Variants in PRKD3 observed in about 807,000 individuals in gnomAD.
PRKD3 encodes the protein serine/threonine-protein kinase D3.
A neutral mutation model predicts 99.2 loss-of-function variants in PRKD3; 47 were observed. That is an observed-to-expected ratio of 0.47 (90% CI 0.38 to 0.60). PRKD3 has a LOEUF of 0.60. PRKD3 is among the 20% of genes least tolerant of loss of function. The pLI, the probability that PRKD3 is intolerant of heterozygous loss-of-function variation, is 0.00. For missense variants in PRKD3, 1,019 were observed against 1,088.4 expected (o/e 0.94, Z 0.90); for synonymous variants, 392 against 355.4 (o/e 1.10, Z -1.16).
At chr2:37,320,489 TGGCGC>T (rs1436509681) in intron 1 of PRKD3, among the ~76,000 whole-genome samples, 2 of 135,362 alleles carry the variant, frequency 1.5e-5, no homozygotes, top group African/African-American at 5.5e-5. Context: ...TGGAGTACAG[TGGCGC>T]GATCTTGACT....
chr2:37,260,291 A>G lies in PRKD3; in HGVS notation c.1978T>C (p.Leu660=). The G allele has an allele frequency of 1.2e-6, 2 of 1,609,888 alleles. No homozygotes were observed. The highest frequency in any genetic ancestry group is 1.7e-6 in the Non-Finnish European group (2 of 1,176,204). The part of the protein sequence containing the change: ...VVMEKLHGDM[L]EMILSSEKSR... ...TTCTCACTGGATAGAATCATTTCCA[A>G]CATATCTCCATGCAGCTTTTCCATT... Residue 660 remains leucine (L), a synonymous_variant, in exon 15 of 19, where the codon TTG becomes CTG. Transcript: ENST00000234179.
At chr2:37,255,867 G>A (rs1667890614) in intron 17 of PRKD3, among the ~76,000 whole-genome samples, 1 of 152,080 alleles carries the variant, frequency 6.6e-6, no homozygotes, top group Non-Finnish European at 1.5e-5. Flanking sequence ...TTAGCCAGGT[G>A]TGGGTGGCCC....
rs1334205440 is a variant in PRKD3 at position 37,293,155 on chromosome 2, G to T, written c.405C>A (p.Asp135Glu). 1.3e-6 allele frequency: 2 copies of T among 1,588,326 alleles called. No individual in the cohort carries two copies. Among genetic ancestry groups the T allele is most frequent in the South Asian group, 2.2e-5 (2 of 89,062 alleles). Residue 135 changes from aspartate to glutamate, a missense_variant, in exon 3 of 19, where the codon GAC (aspartate) becomes GAA (glutamate). Coordinates refer to ENST00000234179, the MANE Select transcript of PRKD3 (RefSeq NM_005813.6). ...TACCTGAAAGAACCACTTCCACTAG[G>T]TCTCCTTCATGTATTTCATCTGCTG... is the stretch of plus-strand genomic sequence containing the variant. ...ITSADEIHEG[D>E]LVEVVLSALA... is the part of the protein sequence containing the mutation.
At chr2:37,277,458 T>C (rs999746042) in intron 9 of PRKD3, among the ~76,000 whole-genome samples, 7 of 151,030 alleles carry the variant, frequency 4.6e-5, no homozygotes, top group African/African-American at 1.7e-4. Context: ...TTGCTGGATC[T>C]AAAAAAAAAC....
chr2:37,272,701 A>G (rs1669345275), intron 11 of PRKD3, among the ~76,000 whole-genome samples: 1 of 152,212 alleles, frequency 6.6e-6, no homozygotes, highest in African/African-American at 2.4e-5. Context: ...AGTTATGATT[A>G]TTACTGAGTT....
Position 37,274,635 on chromosome 2 carries a change from T to G in PRKD3, c.1437A>C (p.Gln479His), listed in dbSNP as rs1669469485. Residue 479 changes from glutamine (Q) to histidine (H), a missense_variant, in exon 11 of 19, where the codon CAA (glutamine) becomes CAC (histidine). Around this residue, in one of 3 missense-constraint regions of PRKD3, gnomAD observed 710 missense variants for 692.7 expected, o/e 1.02. Transcript: ENST00000234179. ...TTTCAAAACAGTGTGGATTGCTGCC[T>G]TGTGAAATGTTTGTGAAATCTCGTG... ...SSPRDFTNIS[Q>H]GSNPHCFEII... is the part of the protein sequence containing the mutation. 8 of 1,614,094 alleles carry G rather than the reference T, an allele frequency of 5.0e-6. No homozygotes were observed. Among genetic ancestry groups the G allele is most frequent in the Admixed American group, 1.7e-5 (1 of 60,020 alleles).
chr2:37,297,339 T>G (rs1670717952), intron 2 of PRKD3, among the ~76,000 whole-genome samples: 1 of 152,164 alleles, frequency 6.6e-6, no homozygotes, highest in African/African-American at 2.4e-5. Flanking sequence ...AATAATCTAT[T>G]TTTAAAAATA....
At chr2:37,278,249 G>A (rs990122204) in intron 8 of PRKD3, 1 of 234,122 alleles carries the variant, frequency 4.3e-6, no homozygotes, top group African/African-American at 2.3e-5. Context: ...AAAACAATGA[G>A]CGGAATAGAA....
At chr2:37,264,078 CAT>C (rs1558531954) in intron 14 of PRKD3, among the ~76,000 whole-genome samples, 1 of 152,176 alleles carries the variant, frequency 6.6e-6, no homozygotes. Context: ...TACATTACCA[CAT>C]AATCTAGGAA....
chr2:37,298,939 T>C (rs1004347402), intron 2 of PRKD3, among the ~76,000 whole-genome samples: 2 of 152,224 alleles, frequency 1.3e-5, no homozygotes, highest in African/African-American at 4.8e-5. Flanking sequence ...CTAATTGCTC[T>C]ACTTAAGACT....
intron 13 of PRKD3, chr2:37,268,219 C>T (rs1302795934): frequency 4.6e-6 from 2 of 433,002 alleles, no homozygotes; most frequent in Non-Finnish European, 9.4e-6. Flanking sequence ...TAGATTAACT[C>T]ATTTGTCTCA....
Position 37,267,413 on chromosome 2 carries a change from T to C in PRKD3, c.1884+17A>G, listed in dbSNP as rs1259858682. On this transcript the variant is annotated intron_variant, in intron 14 of 18. Transcript: ENST00000234179. Reference sequence around the variant, plus strand: ...CCAGCCTCTTTAATAAACCAGTTTTTTATTTTTTATTTTTACCTGTAAAAT... The same window carrying C: ...CCAGCCTCTTTAATAAACCAGTTTTCTATTTTTTATTTTTACCTGTAAAAT... 1 of 1,521,882 alleles carries C rather than the reference T, an allele frequency of 6.6e-7. No individual in the cohort carries two copies. The highest frequency in any genetic ancestry group is 2.3e-5 in the East Asian group (1 of 44,260). 94.3% of individuals were successfully genotyped at this position (1,521,882 alleles called of 1,614,324 possible). A position where few individuals can be genotyped will look rare whatever the true frequency, so the allele number is the denominator to read the frequency against.
Position 37,279,788 on chromosome 2 carries a change from T to C in PRKD3, c.1130A>G (p.Asp377Gly), listed in dbSNP as rs530208506. Residue 377 changes from aspartate to glycine, a missense_variant, in exon 8 of 19, where the codon GAT becomes GGT. This residue lies in a region of PRKD3 where 710 missense variants were observed against 692.7 expected (regional missense o/e 1.02). Coordinates refer to ENST00000234179, the MANE Select transcript of PRKD3 (RefSeq NM_005813.6). Reference sequence around the variant, plus strand: ...TTCTTCATCTCTTTCCACATCGAGATCAGATGGATCCAAGAAGAACATCTT... The same window carrying C: ...TTCTTCATCTCTTTCCACATCGAGACCAGATGGATCCAAGAAGAACATCTT... ...EDKMFFLDPS[D>G]LDVERDEEAV... 18 of 1,613,780 alleles carry C rather than the reference T, an allele frequency of 1.1e-5. No individual in the cohort carries two copies. In the African/African-American group the frequency reaches 2.4e-4, roughly 22 times the overall value.
intron 6 of PRKD3, among the ~76,000 whole-genome samples, chr2:37,284,952 C>G (rs547079195): frequency 9.5e-4 from 145 of 152,172 alleles, no homozygotes; most frequent in African/African-American, 3.4e-3. Context: ...CTCAGAAAAG[C>G]TTTATTTTCT....
At chr2:37,283,896 G>C (rs1280241839) in intron 6 of PRKD3, among the ~76,000 whole-genome samples, 1 of 114,288 alleles carries the variant, frequency 8.7e-6, no homozygotes, top group Non-Finnish European at 1.7e-5. Context: ...GCAAGACTCT[G>C]TCTCAAAAAA....
At position 37,277,854 on chromosome 2, in the gene PRKD3, T is replaced by G. The variant is rs760098795; in HGVS notation, c.1296+12A>C. On this transcript the variant is annotated intron_variant, in intron 9 of 18. Coordinates refer to ENST00000234179, the MANE Select transcript of PRKD3 (RefSeq NM_005813.6). The stretch of plus-strand genomic sequence containing the variant: ...GTCTTACTAGCATATTCAAATGTAT[T>G]TGATTACTGACCAGGTTATCCCTGC... 1 of 1,609,476 alleles carries G rather than the reference T, an allele frequency of 6.2e-7. No homozygotes were observed. The highest frequency in any genetic ancestry group is 1.1e-5 in the South Asian group (1 of 89,880).
chr2:37,289,141 G>A (rs1670263058), intron 5 of PRKD3, among the ~76,000 whole-genome samples: 1 of 151,362 alleles, frequency 6.6e-6, no homozygotes. Context: ...GAAGGCTAAA[G>A]CAGTGGTACA....
intron 3 of PRKD3, 51 bp from the exon 4 acceptor site, chr2:37,291,050 G>T: frequency 6.9e-7 from 1 of 1,457,954 alleles, no homozygotes; most frequent in Non-Finnish European, 9.2e-7. Flanking sequence ...ACTGCGATGA[G>T]ATTAAGAATG....
intron 16 of PRKD3, among the ~76,000 whole-genome samples, chr2:37,259,083 A>T (rs1668210016): frequency 6.6e-6 from 1 of 152,134 alleles, no homozygotes; most frequent in African/African-American, 2.4e-5. Context: ...AATTAAGAAA[A>T]ATCAGAGAGT....
Sources: allele counts gnomAD v4.1 joint callset (sites outside exome capture counted in the v4.1 genomes callset), GRCh38; gene constraint gnomAD v4.1.1; regional missense constraint gnomAD v4.1.1; transcripts MANE v1.5; gene names NCBI Gene and HGNC (gene_info 2026-07-23, HGNC 2026-07-21).